Variants in SFXN4 observed in about 807,000 individuals in gnomAD.
SFXN4 encodes sideroflexin 4.
A neutral mutation model predicts 54.6 loss-of-function variants in SFXN4; 48 were observed. The ratio of observed to expected loss-of-function variants is 0.88; its 90% CI spans 0.70 to 1.12. The LOEUF is 1.12. SFXN4 is among the 50% of genes most tolerant of loss of function. The probability of loss-of-function intolerance (pLI) is 0.00; values close to 1 mark genes in which losing one functional copy is unlikely to be tolerated. For missense variants in SFXN4, 383 were observed against 409.2 expected (o/e 0.94, Z 0.55); for synonymous variants, 130 against 145.5 (o/e 0.89, Z 0.77).
chr10:119,153,039 C>T (rs896711385), intron 11 of SFXN4, among the ~76,000 whole-genome samples: 2 of 152,106 alleles, frequency 1.3e-5, no homozygotes, highest in African/African-American at 4.8e-5. Context: ...AAAGTCCACA[C>T]CCAAAATGAA....
intron 13 of SFXN4, among the ~76,000 whole-genome samples, chr10:119,145,493 G>T (rs1382320410): frequency 6.6e-6 from 1 of 151,810 alleles, no homozygotes; most frequent in East Asian, 1.9e-4. Context: ...TAGTAGAGCT[G>T]GAGTTTTGCC....
At chr10:119,156,642 C>A (rs1430914439) in intron 10 of SFXN4, 36 bp downstream of exon 10, 1 of 1,517,588 alleles carries the variant, frequency 6.6e-7, no homozygotes, top group East Asian at 2.3e-5. Context: ...CAAAGACACC[C>A]CACCCAGACT....
At chr10:119,156,543 C>A (rs1847286091) in intron 10 of SFXN4, 135 bp downstream of exon 10, 7 of 698,656 alleles carry the variant, frequency 1.0e-5, no homozygotes, top group Non-Finnish European at 1.5e-5. Flanking sequence ...GGCTTGGGGG[C>A]CTGCCGGGCT....
chr10:119,161,274 A>G (rs1847519292), intron 3 of SFXN4, among the ~76,000 whole-genome samples, 193 bp from the exon 4 acceptor site: 1 of 151,920 alleles, frequency 6.6e-6, no homozygotes, highest in African/African-American at 2.4e-5. Context: ...TCACGCCACC[A>G]TTCCCAACTA....
chr10:119,165,431 C>G, intron 1 of SFXN4, 106 bp downstream of exon 1: 1 of 1,349,376 alleles, frequency 7.4e-7, no homozygotes. Flanking sequence ...GAAACGGAGA[C>G]AGGGGGCGCC....
chr10:119,153,445 AAAG>A (rs1451618238), intron 11 of SFXN4, among the ~76,000 whole-genome samples: 1 of 152,090 alleles, frequency 6.6e-6, no homozygotes, highest in Non-Finnish European at 1.5e-5. Context: ...AGAAGAAGAA[AAAG>A]AAGAAACTAA....
chr10:119,162,986 T>G (rs1847619354), intron 2 of SFXN4, among the ~76,000 whole-genome samples: 1 of 151,986 alleles, frequency 6.6e-6, no homozygotes, highest in African/African-American at 2.4e-5. Context: ...TTTGTACAGA[T>G]AGGGTCTCGC....
intron 9 of SFXN4, 143 bp downstream of exon 9, chr10:119,157,525 A>T (rs1847321699): frequency 1.6e-6 from 1 of 635,852 alleles, no homozygotes. Flanking sequence ...TTATTTTGGG[A>T]TAATACAATT....
In SFXN4 at chr10:119,152,499, C is replaced by T. The variant is rs892060352; in HGVS notation, c.732+2563G>A. 2.6e-5 allele frequency among the ~76,000 whole-genome samples: 4 copies of T among 152,232 alleles called. No homozygotes were observed. The East Asian group carries it at 5.8e-4, about 22-fold the overall frequency. On this transcript the variant is annotated intron_variant, in intron 11 of 13. Coordinates refer to ENST00000355697, the MANE Select transcript of SFXN4 (RefSeq NM_213649.2). ...TTCACCATGTTGGCCAGGCTGGTCT[C>T]GAACTCCTGACCGACTGCAAGTGAT...
chr10:119,146,358 A>T lies in SFXN4; in HGVS notation c.819-5T>A, dbSNP rs1277584130. On this transcript the variant is annotated splice_polypyrimidine_tract_variant and splice_region_variant and intron_variant, in intron 12 of 13. Coordinates refer to ENST00000355697, the MANE Select transcript of SFXN4 (RefSeq NM_213649.2). Reference sequence around the variant, plus strand: ...TTTTTCCTGAAATACTGGGTCCTGTAAGAGACAAGGCATGGCTCACAAGTG... The same window carrying T: ...TTTTTCCTGAAATACTGGGTCCTGTTAGAGACAAGGCATGGCTCACAAGTG... The T allele has an allele frequency of 1.9e-6, 3 of 1,556,416 alleles. No individual in the cohort carries two copies. Among genetic ancestry groups the T allele is most frequent in the Non-Finnish European group, 2.7e-6 (3 of 1,128,488 alleles).
At chr10:119,145,297 T>C (rs1474290293) in intron 13 of SFXN4, among the ~76,000 whole-genome samples, 1 of 5,842 alleles carries the variant, frequency 1.7e-4, no homozygotes, top group African/African-American at 1.9e-4. Flanking sequence ...ACAGTAAATA[T>C]ATTTTTTCTT....
chr10:119,161,931 A>C (rs1017058631), intron 3 of SFXN4, among the ~76,000 whole-genome samples: 4 of 152,250 alleles, frequency 2.6e-5, no homozygotes, highest in African/African-American at 9.6e-5. Context: ...TGCAAGGTAG[A>C]TAAGGAACAG....
chr10:119,160,515 CAA>C (rs200594750), intron 5 of SFXN4, among the ~76,000 whole-genome samples: 6 of 123,956 alleles, frequency 4.8e-5, no homozygotes, highest in Admixed American at 8.7e-5. Context: ...GACACTGTTT[CAA>C]AAAAAAAAAA....
At chr10:119,151,268 C>T (rs1328623880) in intron 11 of SFXN4, among the ~76,000 whole-genome samples, 4 of 151,898 alleles carry the variant, frequency 2.6e-5, no homozygotes, top group Non-Finnish European at 5.9e-5. Context: ...ACTTGGGAGG[C>T]TGAGGCAGGA....
At chr10:119,162,580 G>A (rs1589650197) in intron 2 of SFXN4, among the ~76,000 whole-genome samples, 166 bp from the exon 3 acceptor site, 1 of 152,148 alleles carries the variant, frequency 6.6e-6, no homozygotes, top group African/African-American at 2.4e-5. Flanking sequence ...GGATAGCCCT[G>A]AGTGCCATTC....
chr10:119,158,454 C>T lies in SFXN4; in HGVS notation c.361-392G>A, dbSNP rs548091441. ...CCAACATGGTGAAACCCCGTCTCTA[C>T]GAAAAACAGAAATTAGCCGGGTGTG... On this transcript the variant is annotated intron_variant, in intron 6 of 13. Transcript: ENST00000355697. Among the ~76,000 whole-genome samples, 19 of 151,134 alleles carry T rather than the reference C, an allele frequency of 1.3e-4. No individual in the cohort carries two copies. In the South Asian group the frequency reaches 2.1e-3, roughly 17 times the overall value.
At chr10:119,165,433 G>A (rs1265723238) in intron 1 of SFXN4, 104 bp downstream of exon 1, 5 of 1,352,190 alleles carry the variant, frequency 3.7e-6, no homozygotes, top group Non-Finnish European at 3.8e-6. Context: ...AACGGAGACA[G>A]GGGGCGCCCA....
intron 6 of SFXN4, among the ~76,000 whole-genome samples, chr10:119,158,745 GGCCAAACTGGGAGGATCCCT>G (rs1338470071): frequency 6.6e-6 from 1 of 152,084 alleles, no homozygotes; most frequent in African/African-American, 2.4e-5. Flanking sequence ...CACTCTGGTA[GGCCAAACTGGGAGGATCCCT>G]TGAGGCCAGG....
intron 2 of SFXN4, among the ~76,000 whole-genome samples, chr10:119,163,856 A>G (rs913678645): frequency 3.9e-5 from 6 of 151,986 alleles, no homozygotes; most frequent in Non-Finnish European, 5.9e-5. Context: ...CCTGACCAAC[A>G]TGGAGAAACC....
Sources: gnomAD v4.1 joint callset for allele counts (sites outside exome capture counted in the v4.1 genomes callset) on GRCh38, gnomAD v4.1.1 for gene constraint, MANE v1.5 for transcripts, NCBI Gene and HGNC (gene_info 2026-07-23, HGNC 2026-07-21) for gene names.